IRS2: variants seen among roughly 807,000 people sequenced by gnomAD.
IRS2 encodes the protein insulin receptor substrate 2.
Under a neutral mutation model 70.9 loss-of-function variants are expected in IRS2, and 28 were observed. That is an observed-to-expected ratio of 0.39 (90% CI 0.29 to 0.54). The LOEUF (loss-of-function observed/expected upper bound fraction) is 0.54. Among genes scored for constraint, IRS2 ranks in the 20% least tolerant of loss-of-function variants. IRS2 has a pLI of 0.59. For missense variants in IRS2, 2,081 were observed against 2,024.1 expected (o/e 1.03, Z -0.54); for synonymous variants, 1,217 against 981.9 (o/e 1.24, Z -4.48).
chr13:109,778,460 C>T (rs149230016), intron 1 of IRS2, among the ~76,000 whole-genome samples: 7 of 152,148 alleles, frequency 4.6e-5, no homozygotes, highest in East Asian at 1.9e-4. Context: ...TCTGCTCCTG[C>T]GAATAGGGCA....
intron 1 of IRS2, among the ~76,000 whole-genome samples, chr13:109,778,311 G>A (rs896258530): frequency 1.3e-5 from 2 of 152,172 alleles, no homozygotes; most frequent in Admixed American, 6.5e-5. Flanking sequence ...CTGATTCCTG[G>A]TTTAGTGTTC....
At chr13:109,760,423 C>G (rs548873750) in intron 1 of IRS2, among the ~76,000 whole-genome samples, 1 of 152,358 alleles carries the variant, frequency 6.6e-6, no homozygotes, top group African/African-American at 2.4e-5. Context: ...ACTACTCTGT[C>G]CCTTAGACGT....
chr13:109,765,253 T>G (rs1013823717), intron 1 of IRS2, among the ~76,000 whole-genome samples: 2 of 152,238 alleles, frequency 1.3e-5, no homozygotes, highest in African/African-American at 4.8e-5. Context: ...TATTGAAATT[T>G]CAGTAATGCA....
chr13:109,775,114 CTTTTTTT>C (rs34415737), intron 1 of IRS2, among the ~76,000 whole-genome samples: 2 of 115,816 alleles, frequency 1.7e-5, no homozygotes, highest in African/African-American at 3.1e-5. Context: ...CAAAATCTTT[CTTTTTTT>C]TTTTTTTTTT....
rs1182633622 is a variant in IRS2 at position 109,783,450 on chromosome 13, C to G, written c.2604G>C (p.Ser868=). 6 of 1,533,454 alleles carry G rather than the reference C, an allele frequency of 3.9e-6. No individual in the cohort carries two copies. Among genetic ancestry groups the G allele is most frequent in the Admixed American group, 2.0e-5 (1 of 49,916 alleles). 95.0% of individuals were successfully genotyped at this position (1,533,454 alleles called of 1,614,324 possible). A position where few individuals can be genotyped will look rare whatever the true frequency, so the allele number is the denominator to read the frequency against. Residue 868 remains serine (S), a synonymous_variant, in exon 1 of 2, where the codon TCG becomes TCC. Transcript: ENST00000375856. ...PTQPPHPVVP[S]PVRPSGGRPE... ...GGCGGCCGCCGCTAGGCCGCACGGG[C>G]GAAGGCACTACAGGGTGAGGGGGCT...
At position 109,783,213 on chromosome 13, in the gene IRS2, CGAG is replaced by C. The variant is rs754807111; in HGVS notation, c.2838_2840del (p.Ser947del). On this transcript the variant is annotated inframe_deletion, in exon 1 of 2. Coordinates refer to ENST00000375856, the MANE Select transcript of IRS2 (RefSeq NM_003749.3). ...AGGCCGGGCTGCTGGCGGACAAGAG[CGAG>C]GAGGACGAGGCCGCCGACGCCAGCA... 2 of 1,426,664 alleles carry C rather than the reference CGAG, an allele frequency of 1.4e-6. No homozygotes were observed. The highest frequency in any genetic ancestry group is 2.9e-5 in the South Asian group (2 of 69,914). 88.4% of individuals were successfully genotyped at this position (1,426,664 alleles called of 1,614,324 possible). A position where few individuals can be genotyped will look rare whatever the true frequency, so the allele number is the denominator to read the frequency against.
In IRS2 at chr13:109,785,613, G is replaced by T; in HGVS notation, c.441C>A (p.Arg147=). ...RALTDLVSEG[R]AAAGDAPPAA... ...CGGGGGGCGCGTCTCCGGCGGCCGC[G>T]CGGCCCTCGCTGACCAGGTCGGTGA... The change falls in exon 1 of 2, where the codon CGC becomes CGA. Residue 147 remains arginine (R), a synonymous_variant. Transcript: ENST00000375856. This position sits in a 1 kb window ranked among gnomAD's most constrained non-coding sequence, Gnocchi z 9.3. 1 of 1,390,018 alleles carries T rather than the reference G, an allele frequency of 7.2e-7. No homozygotes were observed. 86.1% of individuals were successfully genotyped at this position (1,390,018 alleles called of 1,614,324 possible). A position where few individuals can be genotyped will look rare whatever the true frequency, so the allele number is the denominator to read the frequency against.
intron 1 of IRS2, among the ~76,000 whole-genome samples, chr13:109,762,467 C>T (rs1877247207): frequency 6.6e-6 from 1 of 152,200 alleles, no homozygotes; most frequent in African/African-American, 2.4e-5. Context: ...CCTCTCTGCT[C>T]CCCTTTGGTG....
At position 109,783,781 on chromosome 13, in the gene IRS2, C is replaced by A; in HGVS notation, c.2273G>T (p.Gly758Val). Residue 758 changes from glycine (G) to valine (V), a missense_variant, in exon 1 of 2, where the codon GGC (glycine) becomes GTC (valine). Gly to Val is a moderately radical substitution (Grantham distance 109). Coordinates refer to ENST00000375856, the MANE Select transcript of IRS2 (RefSeq NM_003749.3). The stretch of plus-strand genomic sequence containing the variant: ...GTAGTCCCCGTTGGGCAGCAGCTTG[C>A]CATCTGCATGCTCCATGGACAGCTT... Reference protein sequence around the residue: ...GSKLSMEHADGKLLPNGDYLN... With the variant: ...GSKLSMEHADVKLLPNGDYLN... 1 of 1,597,500 alleles carries A rather than the reference C, an allele frequency of 6.3e-7. No homozygotes were observed. Among genetic ancestry groups the A allele is most frequent in the Non-Finnish European group, 8.5e-7 (1 of 1,172,496 alleles).
At chr13:109,764,380 T>C (rs1276216465) in intron 1 of IRS2, among the ~76,000 whole-genome samples, 1 of 152,226 alleles carries the variant, frequency 6.6e-6, no homozygotes, top group Admixed American at 6.5e-5. Flanking sequence ...CTCCCTCTTA[T>C]GAAGATGGGG....
intron 1 of IRS2, among the ~76,000 whole-genome samples, chr13:109,777,218 G>A (rs1320200491): frequency 1.3e-5 from 2 of 151,962 alleles, no homozygotes; most frequent in Non-Finnish European, 2.9e-5. Context: ...AGTTTATAAG[G>A]TGAAATGGGA....
intron 1 of IRS2, among the ~76,000 whole-genome samples, chr13:109,777,429 G>C (rs1460792928): frequency 6.6e-6 from 1 of 152,056 alleles, no homozygotes; most frequent in East Asian, 1.9e-4. Context: ...TCAGAAAAAA[G>C]AGCCTCATTT....
chr13:109,782,866 G>A lies in IRS2; in HGVS notation c.3188C>T (p.Ser1063Phe), dbSNP rs780007007. Residue 1063 changes from serine (S) to phenylalanine (F), a missense_variant, in exon 1 of 2, where the codon TCC becomes TTC. This residue lies in a region of IRS2 where 1,615 missense variants were observed against 1,459.5 expected (regional missense o/e 1.11). Coordinates refer to ENST00000375856, the MANE Select transcript of IRS2 (RefSeq NM_003749.3). The part of the protein sequence containing the change: ...AQGPGAASSL[S>F]SDTGDNGDYT... Reference sequence around the variant, plus strand: ...GTCACCATTGTCCCCGGTGTCCGAGGACAACGATGAGGCGGCGCCCGGGCC... The same window carrying A: ...GTCACCATTGTCCCCGGTGTCCGAGAACAACGATGAGGCGGCGCCCGGGCC... 1.6e-5 allele frequency: 26 copies of A among 1,576,194 alleles called. No homozygotes were observed. Among genetic ancestry groups the A allele is most frequent in the African/African-American group, 2.7e-5 (2 of 74,332 alleles).
chr13:109,774,501 C>T (rs1322592010), intron 1 of IRS2, among the ~76,000 whole-genome samples: 1 of 152,166 alleles, frequency 6.6e-6, no homozygotes, highest in Admixed American at 6.5e-5. Context: ...TTAACTATCA[C>T]TCCAGCAAAA....
chr13:109,761,589 G>GA (rs59128444), intron 1 of IRS2, among the ~76,000 whole-genome samples: 39,488 of 131,630 alleles, frequency 0.3, 6,242 homozygotes, highest in East Asian at 0.47. Context: ...CTAAGAACAT[G>GA]AAAAAAAAAA....
Position 109,782,374 on chromosome 13 carries a change from C to G in IRS2, c.3680G>C (p.Gly1227Ala), listed in dbSNP as rs1413347414. ...ACCGCTCCCAGGACAACCGACCAAG[C>G]CCCCGGGCTGACCCGGGGTCCACGG... ...GRPWTPGQPG[G>A]LVGCPGSGGS... The change falls in exon 1 of 2, where the codon GGC becomes GCC. Residue 1227 changes from glycine to alanine, a missense_variant. This residue lies in a region of IRS2 where 1,615 missense variants were observed against 1,459.5 expected (regional missense o/e 1.11). Coordinates refer to ENST00000375856, the MANE Select transcript of IRS2 (RefSeq NM_003749.3). 1 of 1,611,118 alleles carries G rather than the reference C, an allele frequency of 6.2e-7. No individual in the cohort carries two copies. Among genetic ancestry groups the G allele is most frequent in the African/African-American group, 1.3e-5 (1 of 74,890 alleles).
At chr13:109,759,125 CACCAGAGCAAGCACA>C (rs1877173296) in intron 1 of IRS2, among the ~76,000 whole-genome samples, 1 of 152,226 alleles carries the variant, frequency 6.6e-6, no homozygotes, top group Admixed American at 6.5e-5. Flanking sequence ...CACACACGTG[CACCAGAGCAAGCACA>C]ACGTGCATGT....
intron 1 of IRS2, among the ~76,000 whole-genome samples, chr13:109,767,728 CTTTTTTT>C (rs748211544): frequency 1.5e-3 from 181 of 119,786 alleles, no homozygotes; most frequent in South Asian, 3.4e-3. Context: ...ACCATTTTTC[CTTTTTTT>C]TTTTTTTTTT....
chr13:109,760,109 G>C (rs957191907), intron 1 of IRS2, among the ~76,000 whole-genome samples: 2 of 152,050 alleles, frequency 1.3e-5, no homozygotes, highest in African/African-American at 2.4e-5. Flanking sequence ...CAAACTTCAG[G>C]CTTCCTGAAG....
Sources: gnomAD v4.1 joint callset for allele counts (sites outside exome capture counted in the v4.1 genomes callset) on GRCh38, gnomAD v4.1.1 for gene constraint, gnomAD v4.1.1 regional missense constraint, Gnocchi (gnomAD v3.1) non-coding constraint, MANE v1.5 for transcripts, NCBI Gene and HGNC (gene_info 2026-07-23, HGNC 2026-07-21) for gene names.